GAREM1: variants seen among roughly 807,000 people sequenced by gnomAD.
GAREM1 encodes GRB2-associated and regulator of MAPK protein 1.
In GAREM1, 26 loss-of-function variants were observed where a neutral mutation model predicts 71.3. The ratio of observed to expected loss-of-function variants is 0.36; its 90% CI spans 0.27 to 0.51. The LOEUF (loss-of-function observed/expected upper bound fraction) is 0.51. GAREM1 is among the 20% of genes least tolerant of loss of function. The pLI is 0.95. For synonymous variants in GAREM1, 440 were observed against 433.2 expected (o/e 1.02, Z -0.20); for missense variants, 1,026 against 1,103.1 (o/e 0.93, Z 0.99).
In GAREM1 at chr18:32,287,811, G is replaced by A. The variant is rs1339299377; in HGVS notation, c.786C>T (p.Leu262=). The change falls in exon 4 of 6, where the codon CTC becomes CTT. Residue 262 remains leucine (L), a synonymous_variant. Coordinates refer to ENST00000269209, the MANE Select transcript of GAREM1 (RefSeq NM_001242409.2). This position sits in a 1 kb window ranked among gnomAD's most constrained non-coding sequence, Gnocchi z 5.9. ...PSPPPRNPYD[L]HFIREGHRYK... ...AGCGGTGCCCCTCACGGATGAAGTG[G>A]AGGTCGTATGGGTTTCTCGGTGGAG... is the stretch of plus-strand genomic sequence containing the variant. The A allele has an allele frequency of 6.2e-7, 1 of 1,613,860 alleles. No homozygotes were observed. Among genetic ancestry groups the A allele is most frequent in the Non-Finnish European group, 8.5e-7 (1 of 1,179,960 alleles).
chr18:32,452,447 T>C lies in GAREM1; in HGVS notation c.121+17861A>G, dbSNP rs1330451891. ...GTTCCAAACCTTTGTCAGGCCACCATTCCCTCTTTAAAACCTCACAAAATT... is the reference window on the plus strand; with the variant it reads ...GTTCCAAACCTTTGTCAGGCCACCACTCCCTCTTTAAAACCTCACAAAATT... On this transcript the variant is annotated intron_variant, in intron 1 of 5. Transcript: ENST00000269209. Among the ~76,000 whole-genome samples the C allele has an allele frequency of 3.3e-5, 5 of 152,194 alleles. No homozygotes were observed. In the South Asian group the frequency reaches 1.0e-3, roughly 31 times the overall value.
chr18:32,273,684 G>C (rs2041497340), intron 4 of GAREM1, among the ~76,000 whole-genome samples: 1 of 152,048 alleles, frequency 6.6e-6, no homozygotes, highest in African/African-American at 2.4e-5. Context: ...CATGACTCCT[G>C]AAGGGAGTTA....
intron 1 of GAREM1, among the ~76,000 whole-genome samples, chr18:32,448,302 T>C (rs2144287266): frequency 6.6e-6 from 1 of 152,284 alleles, no homozygotes; most frequent in Middle Eastern, 3.4e-3. Context: ...AATGTTGTAA[T>C]CAATAAAAAA....
At chr18:32,361,614 C>CA (rs35288225) in intron 2 of GAREM1, among the ~76,000 whole-genome samples, 2,585 of 152,210 alleles carry the variant, frequency 0.017, 78 homozygotes, top group African/African-American at 0.059. Context: ...CCTCCCTCTG[C>CA]AAAACTAACA....
At chr18:32,311,630 T>G (rs583065) in intron 2 of GAREM1, among the ~76,000 whole-genome samples, 27,783 of 152,060 alleles carry the variant, frequency 0.18, 2,964 homozygotes, top group African/African-American at 0.3. Context: ...GTAGTTGCAG[T>G]TAGAGGTCTC....
Position 32,268,016 on chromosome 18 carries a change from A to T in GAREM1, c.2486T>A (p.Val829Asp), listed in dbSNP as rs752859526. 1 of 1,614,168 alleles carries T rather than the reference A, an allele frequency of 6.2e-7. No homozygotes were observed. The highest frequency in any genetic ancestry group is 1.7e-5 in the Admixed American group (1 of 60,030). Residue 829 changes from valine (V) to aspartate (D), a missense_variant, in exon 6 of 6, where the codon GTC (valine) becomes GAC (aspartate). Val to Asp is a radical substitution (Grantham distance 152). Transcript: ENST00000269209. ...CTTTTCAGTAACAAAGAATGATATG[A>T]CATCTTCGGACAAACCAATGAACCG... The part of the protein sequence containing the change: ...SLRFIGLSED[V>D]ISFFVTEKID...
At chr18:32,317,039 C>T (rs1375345848) in intron 2 of GAREM1, among the ~76,000 whole-genome samples, 2 of 152,158 alleles carry the variant, frequency 1.3e-5, no homozygotes, top group South Asian at 2.1e-4. Flanking sequence ...AAACAGGCCA[C>T]AGTGTGCTGA....
chr18:32,316,297 G>A (rs918289421), intron 2 of GAREM1, among the ~76,000 whole-genome samples: 2 of 152,110 alleles, frequency 1.3e-5, no homozygotes, highest in Non-Finnish European at 2.9e-5. Context: ...TCTTTCAATT[G>A]TTTAGTGAAT....
At chr18:32,298,950 TA>T (rs1157085658) in intron 3 of GAREM1, among the ~76,000 whole-genome samples, 26 of 151,932 alleles carry the variant, frequency 1.7e-4, no homozygotes, top group Non-Finnish European at 2.8e-4. Flanking sequence ...TATATATATA[TA>T]TTTTTTTTAA....
chr18:32,442,395 T>C (rs16963370), intron 1 of GAREM1, among the ~76,000 whole-genome samples: 13,898 of 152,194 alleles, frequency 0.091, 1,038 homozygotes, highest in African/African-American at 0.2. Context: ...TATTTCAGGG[T>C]AGCAGAAGCT....
chr18:32,396,223 C>G (rs1235649106), intron 1 of GAREM1, among the ~76,000 whole-genome samples: 2 of 152,138 alleles, frequency 1.3e-5, no homozygotes, highest in Non-Finnish European at 2.9e-5. Flanking sequence ...AAAAACAGAG[C>G]AGAAAAGCTG....
intron 1 of GAREM1, among the ~76,000 whole-genome samples, chr18:32,441,085 T>C (rs558363656): frequency 6.6e-6 from 1 of 152,298 alleles, no homozygotes; most frequent in South Asian, 2.1e-4. Context: ...GTTAGTATCA[T>C]AACTAACAGT....
chr18:32,404,331 T>A, intron 1 of GAREM1, among the ~76,000 whole-genome samples: 1 of 152,162 alleles, frequency 6.6e-6, no homozygotes, highest in Non-Finnish European at 1.5e-5. Flanking sequence ...ATGTTGATAA[T>A]CAACTTGTTA....
chr18:32,438,462 C>T (rs2048702392), intron 1 of GAREM1, among the ~76,000 whole-genome samples: 1 of 152,214 alleles, frequency 6.6e-6, no homozygotes, highest in Non-Finnish European at 1.5e-5. Context: ...CACTGTCAAA[C>T]TGACTGTTCC....
chr18:32,338,541 A>G (rs1598971779), intron 2 of GAREM1, among the ~76,000 whole-genome samples: 1 of 152,244 alleles, frequency 6.6e-6, no homozygotes, highest in Non-Finnish European at 1.5e-5. Flanking sequence ...ACTGTGAGAC[A>G]AAATGAAAAA....
chr18:32,343,321 T>G (rs569317706), intron 2 of GAREM1, among the ~76,000 whole-genome samples: 2 of 150,528 alleles, frequency 1.3e-5, no homozygotes, highest in African/African-American at 2.5e-5. Context: ...GTTTTTTTTT[T>G]TTTTTTTTTT....
At chr18:32,353,454 A>G (rs1397722837) in intron 2 of GAREM1, among the ~76,000 whole-genome samples, 2 of 152,196 alleles carry the variant, frequency 1.3e-5, no homozygotes, top group Non-Finnish European at 2.9e-5. Context: ...TTTTAACCTT[A>G]GCCCAACTAT....
intron 1 of GAREM1, among the ~76,000 whole-genome samples, chr18:32,459,387 C>A (rs1175276154): frequency 1.3e-5 from 2 of 151,804 alleles, no homozygotes; most frequent in African/African-American, 4.8e-5. Context: ...TGTCCCTGGC[C>A]ATGATGAGGC....
At chr18:32,294,729 A>G (rs1416477948) in intron 3 of GAREM1, among the ~76,000 whole-genome samples, 1 of 151,894 alleles carries the variant, frequency 6.6e-6, no homozygotes, top group Non-Finnish European at 1.5e-5. Flanking sequence ...GTCTTACTGT[A>G]AGGTTTTTTC....
Sources: allele counts gnomAD v4.1 joint callset (sites outside exome capture counted in the v4.1 genomes callset), GRCh38; gene constraint gnomAD v4.1.1; non-coding constraint Gnocchi (gnomAD v3.1); transcripts MANE v1.5; gene names NCBI Gene and HGNC (gene_info 2026-07-23, HGNC 2026-07-21).